Variants in RASGRF1 observed in about 807,000 individuals in gnomAD.
RASGRF1 encodes the protein ras-specific guanine nucleotide-releasing factor 1.
In RASGRF1, 40 loss-of-function variants were observed where a neutral mutation model predicts 138.7. The ratio of observed to expected loss-of-function variants is 0.29; its 90% CI spans 0.22 to 0.38. RASGRF1 has a LOEUF of 0.38. Among genes scored for constraint, RASGRF1 ranks in the 10% least tolerant of loss-of-function variants. The pLI is 1.00. For missense variants in RASGRF1, 1,108 were observed against 1,650.4 expected (o/e 0.67, Z 5.69); for synonymous variants, 614 against 663.2 (o/e 0.93, Z 1.14).
At position 79,031,516 on chromosome 15, in the gene RASGRF1, G is replaced by A. The variant is rs2057136155; in HGVS notation, c.1153-7C>T. The A allele has an allele frequency of 6.2e-7, 1 of 1,601,178 alleles. No homozygotes were observed. Among genetic ancestry groups the A allele is most frequent in the Non-Finnish European group, 8.5e-7 (1 of 1,169,608 alleles). ...TCAGGATGTACCTGGGGATCTGCGGGCAGGTGGGAGAGGTGAGGGTGGAGA... is the reference window on the plus strand; with the variant it reads ...TCAGGATGTACCTGGGGATCTGCGGACAGGTGGGAGAGGTGAGGGTGGAGA... On this transcript the variant is annotated splice_region_variant and splice_polypyrimidine_tract_variant and intron_variant, in intron 7 of 26. Transcript: ENST00000558480.
At position 79,017,863 on chromosome 15, in the gene RASGRF1, G is replaced by A. The variant is rs756158411; in HGVS notation, c.1650C>T (p.Ile550=). ...GCGGGGAATCCTTTGGCTCCACCCC[G>A]ATTTTAAAATCCAAGTGATCTATGT... The part of the protein sequence containing the change: ...GQDIDHLDFK[I]GVEPKDSPPF... Residue 550 remains isoleucine (I), a synonymous_variant, in exon 12 of 27, where the codon ATC becomes ATT. Coordinates refer to ENST00000558480, the MANE Select transcript of RASGRF1 (RefSeq NM_001145648.3). The A allele has an allele frequency of 8.7e-6, 14 of 1,613,690 alleles. No individual in the cohort carries two copies. Among genetic ancestry groups the A allele is most frequent in the South Asian group, 2.2e-5 (2 of 90,986 alleles).
chr15:78,990,255 T>C lies in RASGRF1; in HGVS notation c.3150A>G (p.Gly1050=). 1 of 1,608,932 alleles carries C rather than the reference T, an allele frequency of 6.2e-7. No homozygotes were observed. Among genetic ancestry groups the C allele is most frequent in the Non-Finnish European group, 8.5e-7 (1 of 1,175,246 alleles). Residue 1050 remains glycine (G), a synonymous_variant, in exon 22 of 27, where the codon GGA becomes GGG. Transcript: ENST00000558480. ...KIPYEEFFGQ[G]WMKLEKNERT... Reference sequence around the variant, plus strand: ...TTTCATTCTTTTCCAGTTTCATCCATCCTTGTCCGAAGAACTCCCTGTAGG... The same window carrying C: ...TTTCATTCTTTTCCAGTTTCATCCACCCTTGTCCGAAGAACTCCCTGTAGG...
intron 2 of RASGRF1, among the ~76,000 whole-genome samples, chr15:79,060,981 G>C (rs2057596549): frequency 6.6e-6 from 1 of 152,226 alleles, no homozygotes; most frequent in Admixed American, 6.5e-5. Flanking sequence ...AATTGAATGA[G>C]ACTTTAAAAG....
intron 10 of RASGRF1, among the ~76,000 whole-genome samples, chr15:79,023,495 G>A (rs2056994591): frequency 6.6e-6 from 1 of 152,170 alleles, no homozygotes; most frequent in Non-Finnish European, 1.5e-5. Flanking sequence ...CGGGGGACAG[G>A]AGATCCTGCC....
At chr15:78,996,071 G>A (rs1039038701) in intron 19 of RASGRF1, among the ~76,000 whole-genome samples, 1 of 152,216 alleles carries the variant, frequency 6.6e-6, no homozygotes, top group African/African-American at 2.4e-5. Context: ...CTCAGGCAGG[G>A]AGCCCTTGAG....
intron 1 of RASGRF1, among the ~76,000 whole-genome samples, chr15:79,068,914 C>T (rs1291570442): frequency 1.3e-5 from 2 of 152,102 alleles, no homozygotes; most frequent in Non-Finnish European, 2.9e-5. Context: ...TGACCTCTCC[C>T]TGGGCCCCAG....
chr15:78,983,957 G>T (rs1314481121), intron 23 of RASGRF1, among the ~76,000 whole-genome samples: 1 of 152,224 alleles, frequency 6.6e-6, no homozygotes, highest in East Asian at 1.9e-4. Flanking sequence ...TCAGGGGCTG[G>T]AGTGACCAGA....
At chr15:79,005,007 TG>T in intron 14 of RASGRF1, 1 of 985,580 alleles carries the variant, frequency 1.0e-6, no homozygotes, top group Non-Finnish European at 1.2e-6. Context: ...TGCAGGGCAC[TG>T]CTGCTGGGAA....
intron 13 of RASGRF1, among the ~76,000 whole-genome samples, chr15:79,009,936 G>A (rs1047524567): frequency 3.3e-5 from 5 of 151,766 alleles, no homozygotes; most frequent in African/African-American, 1.2e-4. Context: ...TGTTGCCCAG[G>A]CTGGTCTGGA....
intron 3 of RASGRF1, among the ~76,000 whole-genome samples, chr15:79,054,561 G>A (rs919431603): frequency 1.3e-5 from 2 of 152,200 alleles, no homozygotes; most frequent in African/African-American, 4.8e-5. Flanking sequence ...AATGTGATGT[G>A]AGCAGTGTGC....
intron 1 of RASGRF1, among the ~76,000 whole-genome samples, chr15:79,068,574 A>T: frequency 6.7e-6 from 1 of 148,580 alleles, no homozygotes; most frequent in Non-Finnish European, 1.5e-5. Flanking sequence ...GATGTATCAT[A>T]TATATATACA....
At chr15:79,080,585 C>G (rs938370296) in intron 1 of RASGRF1, among the ~76,000 whole-genome samples, 5 of 151,944 alleles carry the variant, frequency 3.3e-5, no homozygotes, top group African/African-American at 4.8e-5. Context: ...TTTGGAATAC[C>G]AGCTAAGGTT....
intron 13 of RASGRF1, among the ~76,000 whole-genome samples, chr15:79,012,246 A>G (rs923428372): frequency 9.2e-5 from 14 of 152,096 alleles, no homozygotes; most frequent in African/African-American, 3.4e-4. Context: ...CCCTCTTCCC[A>G]GAATGCCCTT....
rs1403548558 is a variant in RASGRF1, at chr15:79,090,676, C to T, written c.-178G>A. 4.9e-6 allele frequency: 4 copies of T among 819,114 alleles called. No individual in the cohort carries two copies. Among genetic ancestry groups the T allele is most frequent in the Non-Finnish European group, 7.4e-6 (4 of 539,024 alleles). 50.7% of individuals were successfully genotyped at this position (819,114 alleles called of 1,614,324 possible). On this transcript the variant is annotated 5_prime_UTR_variant, in exon 1 of 27. Coordinates refer to ENST00000558480, the MANE Select transcript of RASGRF1 (RefSeq NM_001145648.3). ...GGCGCCGAGCCGCGGCTTCTTGAAT[C>T]CAGATATACCATTCCCCGCTGGAAC... is the stretch of plus-strand genomic sequence containing the variant.
At chr15:79,033,338 G>A (rs549373329) in intron 6 of RASGRF1, among the ~76,000 whole-genome samples, 3 of 151,954 alleles carry the variant, frequency 2.0e-5, no homozygotes, top group East Asian at 1.9e-4. Context: ...TGCCTCCCGT[G>A]TTCAAGTGAT....
intron 1 of RASGRF1, among the ~76,000 whole-genome samples, chr15:79,088,003 G>A (rs192991543): frequency 6.6e-6 from 1 of 152,196 alleles, no homozygotes; most frequent in Non-Finnish European, 1.5e-5. Flanking sequence ...CTGAACATGA[G>A]TGCATCTCAT....
intron 24 of RASGRF1, chr15:78,979,047 A>G (rs1482498589): frequency 3.1e-6 from 4 of 1,292,080 alleles, no homozygotes. Flanking sequence ...GAAGCCAGCC[A>G]TGTGAGGAGG....
chr15:78,992,930 C>T (rs1393771723), intron 20 of RASGRF1, among the ~76,000 whole-genome samples: 1 of 151,554 alleles, frequency 6.6e-6, no homozygotes, highest in Non-Finnish European at 1.5e-5. Context: ...CGGTTCCTGA[C>T]GTCAGGGATC....
intron 4 of RASGRF1, among the ~76,000 whole-genome samples, chr15:79,047,942 T>C (rs1042568122): frequency 6.6e-6 from 1 of 150,924 alleles, no homozygotes; most frequent in African/African-American, 2.4e-5. Flanking sequence ...ATGGGTGCCG[T>C]AGACAGAAGA....
Sources: allele counts gnomAD v4.1 joint callset (sites outside exome capture counted in the v4.1 genomes callset), GRCh38; gene constraint gnomAD v4.1.1; transcripts MANE v1.5; gene names NCBI Gene and HGNC (gene_info 2026-07-23, HGNC 2026-07-21).